TPST2: variants seen among roughly 807,000 people sequenced by gnomAD.
TPST2 encodes tyrosylprotein sulfotransferase 2.
In TPST2, 16 loss-of-function variants were observed where a neutral mutation model predicts 27.8. That is an observed-to-expected ratio of 0.58 (90% CI 0.39 to 0.88). TPST2 has a LOEUF of 0.88. Ranked by LOEUF, TPST2 falls within the 40% of genes least tolerant of loss-of-function variation. The pLI is 0.00. For synonymous variants in TPST2, 229 were observed against 231.7 expected (o/e 0.99, Z 0.10); for missense variants, 464 against 543.1 (o/e 0.85, Z 1.45).
chr22:26,551,588 C>A (rs1210235455), intron 1 of TPST2, among the ~76,000 whole-genome samples: 1 of 152,094 alleles, frequency 6.6e-6, no homozygotes, highest in African/African-American at 2.4e-5. Context: ...ACCATCAAAG[C>A]AGGGTCCCAC....
At chr22:26,533,822 G>A (rs559726430) in intron 4 of TPST2, among the ~76,000 whole-genome samples, 188 of 152,062 alleles carry the variant, frequency 1.2e-3, no homozygotes, top group Non-Finnish European at 2.0e-3. Flanking sequence ...CTATAGGCAC[G>A]TGCCACCATG....
At chr22:26,568,713 C>A (rs1013847117) in intron 1 of TPST2, among the ~76,000 whole-genome samples, 3 of 152,196 alleles carry the variant, frequency 2.0e-5, no homozygotes, top group Non-Finnish European at 4.4e-5. Context: ...ACTGCCCACA[C>A]CTTTCCCCTT....
intron 5 of TPST2, among the ~76,000 whole-genome samples, chr22:26,532,373 C>T (rs570606104): frequency 5.1e-4 from 77 of 152,334 alleles, no homozygotes; most frequent in African/African-American, 1.8e-3. Context: ...CTCTGCCTCC[C>T]AGGGTCAAGC....
intron 1 of TPST2, among the ~76,000 whole-genome samples, chr22:26,553,200 T>C (rs531672830): frequency 1.3e-5 from 2 of 152,070 alleles, no homozygotes; most frequent in African/African-American, 4.8e-5. Flanking sequence ...CAGTAGGGAC[T>C]GTGGGAGGAC....
At chr22:26,573,244 T>C (rs1387897197) in intron 1 of TPST2, among the ~76,000 whole-genome samples, 2 of 152,192 alleles carry the variant, frequency 1.3e-5, no homozygotes, top group Admixed American at 6.5e-5. Context: ...TTGTCCAGGC[T>C]GGTCTCAAAC....
At chr22:26,540,142 A>G (rs5752342) in intron 3 of TPST2, among the ~76,000 whole-genome samples, 10,501 of 152,284 alleles carry the variant, frequency 0.069, 444 homozygotes, top group Non-Finnish European at 0.095. Flanking sequence ...TTATATTTCC[A>G]TGTTACAGAT....
chr22:26,589,881 C>G (rs1463915608), intron 1 of TPST2, among the ~76,000 whole-genome samples, 172 bp downstream of exon 1: 2 of 152,004 alleles, frequency 1.3e-5, no homozygotes, highest in Admixed American at 6.6e-5. Context: ...GCGCCGCCTG[C>G]CTGCCTCCCA....
chr22:26,534,683 G>A (rs779795061), intron 4 of TPST2, among the ~76,000 whole-genome samples: 9 of 152,268 alleles, frequency 5.9e-5, no homozygotes, highest in South Asian at 2.1e-4. Context: ...GTCCCCAGCC[G>A]GCCCTCGCCT....
chr22:26,535,045 A>G (rs1253099219), intron 4 of TPST2, among the ~76,000 whole-genome samples: 1 of 152,174 alleles, frequency 6.6e-6, no homozygotes, highest in Non-Finnish European at 1.5e-5. Flanking sequence ...TTACACTTCA[A>G]TTACAAGGGC....
At chr22:26,528,361 G>A (rs1924957798) in intron 5 of TPST2, 99 bp from the exon 6 acceptor site, 4 of 1,377,992 alleles carry the variant, frequency 2.9e-6, no homozygotes, top group South Asian at 1.2e-5. Flanking sequence ...TCATGCACAT[G>A]CTTATTCACG....
At chr22:26,576,061 T>C (rs777871361) in intron 1 of TPST2, among the ~76,000 whole-genome samples, 1 of 151,840 alleles carries the variant, frequency 6.6e-6, no homozygotes, top group East Asian at 1.9e-4. Flanking sequence ...AAAATGAAGA[T>C]GCAAAGGACA....
At chr22:26,571,760 G>C (rs977983825) in intron 1 of TPST2, among the ~76,000 whole-genome samples, 5 of 152,086 alleles carry the variant, frequency 3.3e-5, no homozygotes, top group South Asian at 2.1e-4. Flanking sequence ...TTCCAGGCTT[G>C]CCTGTTGGAA....
At position 26,564,415 on chromosome 22, in the gene TPST2, G is replaced by A. The variant is rs16982365; in HGVS notation, c.-160-19740C>T. 2.8e-3 allele frequency among the ~76,000 whole-genome samples: 423 copies of A among 152,324 alleles called. 14 individuals carry two copies. In the East Asian group the frequency reaches 0.073, roughly 26 times the overall value. On this transcript the variant is annotated intron_variant, in intron 1 of 6. Transcript: ENST00000338754. ...CCCTTCATGTCCAGTCATGCAGGAC[G>A]GAGGACCAGGCTGGGGACAGCGCAA...
chr22:26,586,711 G>A (rs1217183677), intron 1 of TPST2, among the ~76,000 whole-genome samples: 1 of 152,210 alleles, frequency 6.6e-6, no homozygotes, highest in Admixed American at 6.5e-5. Context: ...CAAGTTGTCA[G>A]GAAACTGGAA....
At chr22:26,559,119 C>T (rs1373345451) in intron 1 of TPST2, among the ~76,000 whole-genome samples, 1 of 152,260 alleles carries the variant, frequency 6.6e-6, no homozygotes, top group African/African-American at 2.4e-5. Flanking sequence ...GTAATCCCAA[C>T]ACTACGGGAG....
chr22:26,564,662 A>G (rs1413199989), intron 1 of TPST2, among the ~76,000 whole-genome samples: 1 of 152,202 alleles, frequency 6.6e-6, no homozygotes, highest in African/African-American at 2.4e-5. Context: ...CACCACCTGA[A>G]GCCTTGCCTT....
Sources: gnomAD v4.1 joint callset for allele counts (sites outside exome capture counted in the v4.1 genomes callset) on GRCh38, gnomAD v4.1.1 for gene constraint, MANE v1.5 for transcripts, NCBI Gene and HGNC (gene_info 2026-07-23, HGNC 2026-07-21) for gene names.